KDM2A: variants seen among roughly 807,000 people sequenced by gnomAD.
KDM2A encodes lysine demethylase 2A.
KDM2A carries 3 observed loss-of-function variants against 137.3 expected under a neutral mutation model. That is an observed-to-expected ratio of 0.02 (90% CI 0.01 to 0.06). The LOEUF is 0.06. Ranked by LOEUF, KDM2A falls within the 10% of genes least tolerant of loss-of-function variation. KDM2A has a pLI of 1.00. For synonymous variants in KDM2A, 512 were observed against 541.5 expected (o/e 0.95, Z 0.76); for missense variants, 738 against 1,510.6 (o/e 0.49, Z 8.48).
At chr11:67,176,515 A>G (rs1270517904) in intron 2 of KDM2A, among the ~76,000 whole-genome samples, 1 of 152,222 alleles carries the variant, frequency 6.6e-6, no homozygotes, top group Non-Finnish European at 1.5e-5. Flanking sequence ...AACACTGGCT[A>G]AAGTAAAATA....
chr11:67,131,107 C>T (rs558573725), intron 2 of KDM2A, among the ~76,000 whole-genome samples: 5 of 152,182 alleles, frequency 3.3e-5, no homozygotes, highest in Admixed American at 1.3e-4. Context: ...GGCAGATTGC[C>T]TGAGGTCAGG....
chr11:67,184,507 A>G (rs1857159759), intron 5 of KDM2A, among the ~76,000 whole-genome samples: 1 of 152,170 alleles, frequency 6.6e-6, no homozygotes, highest in South Asian at 2.1e-4. Flanking sequence ...GGGCGCCTGT[A>G]ATCCCAGCTA....
At chr11:67,136,565 G>C (rs1276129714) in intron 2 of KDM2A, among the ~76,000 whole-genome samples, 1 of 152,188 alleles carries the variant, frequency 6.6e-6, no homozygotes, top group African/African-American at 2.4e-5. Flanking sequence ...TTACAAGGAT[G>C]ATGAGATACT....
chr11:67,133,447 G>C (rs1343226385), intron 2 of KDM2A, among the ~76,000 whole-genome samples: 1 of 151,956 alleles, frequency 6.6e-6, no homozygotes, highest in South Asian at 2.1e-4. Flanking sequence ...CTGTTGCCCA[G>C]GCTGGAGTGC....
At chr11:67,253,057 A>G (rs1423448481) in intron 18 of KDM2A, among the ~76,000 whole-genome samples, 200 bp downstream of exon 18, 1 of 152,228 alleles carries the variant, frequency 6.6e-6, no homozygotes, top group Non-Finnish European at 1.5e-5. Context: ...CTGGCAGGCC[A>G]ATCACTGCAA....
intron 5 of KDM2A, among the ~76,000 whole-genome samples, chr11:67,201,054 C>A (rs889385408): frequency 6.6e-6 from 1 of 151,610 alleles, no homozygotes; most frequent in Non-Finnish European, 1.5e-5. Context: ...ATTAGCCGGG[C>A]GTGGTGGCGG....
Position 67,250,527 on chromosome 11 carries a change from C to T in KDM2A, c.2497C>T (p.Pro833Ser), listed in dbSNP as rs1859383916. Residue 833 changes from proline to serine, a missense_variant, in exon 17 of 21, where the codon CCC becomes TCC. Pro to Ser is a moderately conservative substitution (Grantham distance 74). This residue lies in a region of KDM2A where 244 missense variants were observed against 324.6 expected (regional missense o/e 0.75). Transcript: ENST00000529006. This position sits in a 1 kb window ranked among gnomAD's most constrained non-coding sequence, Gnocchi z 7.1. ...CTCCTCTGCCAACCTTCGCCATTCC[C>T]CCCGTGTGCTAGTGCAGCACTGCCC... ...TASSANLRHSPRVLVQHCPAR... is the reference protein window; with the variant it reads ...TASSANLRHSSRVLVQHCPAR... The T allele has an allele frequency of 1.2e-6, 2 of 1,614,000 alleles. No individual in the cohort carries two copies. The highest frequency in any genetic ancestry group is 1.7e-6 in the Non-Finnish European group (2 of 1,179,892).
At chr11:67,220,754 C>T (rs541018995) in intron 10 of KDM2A, among the ~76,000 whole-genome samples, 52 of 152,254 alleles carry the variant, frequency 3.4e-4, no homozygotes, top group African/African-American at 1.2e-3. Context: ...AACTGTTTAA[C>T]CCTACCTTGT....
At chr11:67,203,706 A>G (rs1429215142) in intron 5 of KDM2A, among the ~76,000 whole-genome samples, 1 of 150,976 alleles carries the variant, frequency 6.6e-6, no homozygotes, top group Non-Finnish European at 1.5e-5. Context: ...TTGAGTCTAG[A>G]TTGTGCCACT....
chr11:67,131,085 A>T (rs1186119787), intron 2 of KDM2A, among the ~76,000 whole-genome samples: 1 of 152,078 alleles, frequency 6.6e-6, no homozygotes, highest in Admixed American at 6.6e-5. Flanking sequence ...ACTACTTTGC[A>T]AGGCCGAGGC....
intron 5 of KDM2A, among the ~76,000 whole-genome samples, chr11:67,205,314 A>AAT (rs1284032293): frequency 1.3e-5 from 2 of 152,094 alleles, no homozygotes; most frequent in Non-Finnish European, 2.9e-5. Context: ...TTTTACTAGT[A>AAT]ATATATATAT....
chr11:67,194,105 T>C (rs1857424094), intron 5 of KDM2A, among the ~76,000 whole-genome samples: 1 of 152,248 alleles, frequency 6.6e-6, no homozygotes, highest in Non-Finnish European at 1.5e-5. Flanking sequence ...TTATGATAAA[T>C]TATTTCAGCA....
At chr11:67,143,020 CTTTTTTTTT>C in intron 2 of KDM2A, among the ~76,000 whole-genome samples, 1 of 126,422 alleles carries the variant, frequency 7.9e-6, no homozygotes, top group Non-Finnish European at 1.7e-5. Context: ...TATATCTATT[CTTTTTTTTT>C]TTTTTTTTTG....
At chr11:67,120,318 A>G (rs1166620783) in intron 1 of KDM2A, among the ~76,000 whole-genome samples, 2 of 152,196 alleles carry the variant, frequency 1.3e-5, no homozygotes, top group Admixed American at 6.5e-5. Flanking sequence ...CTGCTCTGCA[A>G]ACTGTGTCAT....
chr11:67,193,576 A>G (rs1857407030), intron 5 of KDM2A, among the ~76,000 whole-genome samples: 1 of 152,016 alleles, frequency 6.6e-6, no homozygotes, highest in African/African-American at 2.4e-5. Flanking sequence ...ATACGTATAT[A>G]TTGGCTGGGC....
rs549409682 is a variant in KDM2A, at chr11:67,218,016, A to G, written c.841+132A>G. The G allele has an allele frequency of 1.4e-5, 11 of 788,994 alleles. No individual in the cohort carries two copies. In the Admixed American group the frequency reaches 3.3e-4, roughly 24 times the overall value. 48.9% of individuals were successfully genotyped at this position (788,994 alleles called of 1,614,324 possible). A position where few individuals can be genotyped will look rare whatever the true frequency, so the allele number is the denominator to read the frequency against. On this transcript the variant is annotated intron_variant, in intron 9 of 20. Transcript: ENST00000529006. ...AACAACAGTGTTTCTTCCTGTCATTATGGAATAGATGCTGAGGTTTTGTTT... is the reference window on the plus strand; with the variant it reads ...AACAACAGTGTTTCTTCCTGTCATTGTGGAATAGATGCTGAGGTTTTGTTT...
intron 2 of KDM2A, among the ~76,000 whole-genome samples, chr11:67,147,648 C>T (rs1856283855): frequency 6.6e-6 from 1 of 151,276 alleles, no homozygotes; most frequent in Admixed American, 6.6e-5. Context: ...CAAGGGCTTT[C>T]TCTGGAGACT....
chr11:67,136,994 G>C (rs1855982731), intron 2 of KDM2A, among the ~76,000 whole-genome samples: 1 of 152,216 alleles, frequency 6.6e-6, no homozygotes, highest in Non-Finnish European at 1.5e-5. Flanking sequence ...GTAGTAGATA[G>C]AAACATTAGA....
chr11:67,213,726 T>TA (rs1858067019), intron 6 of KDM2A, among the ~76,000 whole-genome samples: 1 of 146,350 alleles, frequency 6.8e-6, no homozygotes, highest in Non-Finnish European at 1.5e-5. Flanking sequence ...ACCACAACAT[T>TA]ATAGCCTGGG....
Sources: gnomAD v4.1 joint callset for allele counts (sites outside exome capture counted in the v4.1 genomes callset) on GRCh38, gnomAD v4.1.1 for gene constraint, gnomAD v4.1.1 regional missense constraint, Gnocchi (gnomAD v3.1) non-coding constraint, MANE v1.5 for transcripts, NCBI Gene and HGNC (gene_info 2026-07-23, HGNC 2026-07-21) for gene names.